KIAA1671: variants seen among roughly 807,000 people sequenced by gnomAD.
KIAA1671 encodes KIAA1671.
In KIAA1671, 52 loss-of-function variants were observed where a neutral mutation model predicts 131.2. The observed-to-expected ratio is 0.40, with a 90% CI of 0.32 to 0.50. KIAA1671 has a LOEUF of 0.50. Among genes scored for constraint, KIAA1671 ranks in the 20% least tolerant of loss-of-function variants. The pLI, the probability that KIAA1671 is intolerant of heterozygous loss-of-function variation, is 0.73. For synonymous variants in KIAA1671, 1,003 were observed against 961.6 expected, an observed-to-expected ratio of 1.04 and a Z score of -0.80; for missense variants, 2,360 against 2,364.2, an observed-to-expected ratio of 1.00 and a Z score of 0.04.
chr22:25,181,817 G>C lies in KIAA1671; in HGVS notation c.5193G>C (p.Val1731=). The change falls in exon 10 of 13, where the codon GTG becomes GTC. Residue 1731 remains valine, a synonymous_variant. Transcript: ENST00000358431. ...MPAFPGMDPA[V]LKAQLHKRPE... ...CGTTTCCAGGCATGGATCCGGCAGT[G>C]CTAAAGGTACCAGACCTCTCACCAA... 6.4e-7 allele frequency: 1 copy of C among 1,551,500 alleles called. No homozygotes were observed. The highest frequency in any genetic ancestry group is 2.0e-5 in the Admixed American group (1 of 50,994).
intron 6 of KIAA1671, among the ~76,000 whole-genome samples, chr22:25,068,198 TTCCGACTGTGCCATCAGGGAGCAGGGC>T (rs1928591783): frequency 6.6e-6 from 1 of 150,930 alleles, no homozygotes; most frequent in Non-Finnish European, 1.5e-5. Context: ...AGGGCCAGCC[TTCCGACTGTGCCATCAGGGAGCAGGGC>T]CGGCCTTCTG....
chr22:25,163,589 A>G (rs1005306646), intron 6 of KIAA1671, among the ~76,000 whole-genome samples: 11 of 151,096 alleles, frequency 7.3e-5, no homozygotes, highest in African/African-American at 2.7e-4. Flanking sequence ...CTACAGGTGC[A>G]CGCCACCACG....
rs1281085260 is a variant in KIAA1671, at chr22:24,960,136, A to G, written c.-208+7364A>G. On this transcript the variant is annotated intron_variant, in intron 1 of 12. Coordinates refer to ENST00000358431, the MANE Select transcript of KIAA1671 (RefSeq NM_001145206.2). Reference sequence around the variant, plus strand: ...ACAGAGTGAGACTCCGTCTCAAATAAATAAATAAATAAATAAATAAATAAA... The same window carrying G: ...ACAGAGTGAGACTCCGTCTCAAATAGATAAATAAATAAATAAATAAATAAA... Among the ~76,000 whole-genome samples, 3 of 140,042 alleles carry G rather than the reference A, an allele frequency of 2.1e-5. No homozygotes were observed. The East Asian group carries it at 5.9e-4, about 27-fold the overall frequency. The allele number at this position is 140,042 out of a possible 152,430, so 91.9% of individuals were successfully genotyped here. A position where few individuals can be genotyped will look rare whatever the true frequency, so the allele number is the denominator to read the frequency against.
intron 1 of KIAA1671, among the ~76,000 whole-genome samples, chr22:25,020,209 C>T (rs1925587715): frequency 6.6e-6 from 1 of 152,154 alleles, no homozygotes; most frequent in African/African-American, 2.4e-5. Flanking sequence ...TGTTTCTGGA[C>T]CATATTTTTT....
At chr22:25,018,700 C>T (rs2123887369) in intron 1 of KIAA1671, among the ~76,000 whole-genome samples, 1 of 152,278 alleles carries the variant, frequency 6.6e-6, no homozygotes, top group African/African-American at 2.4e-5. Flanking sequence ...AGCAAAATGT[C>T]TTCAAGGGTC....
chr22:25,104,791 AAAT>A (rs1184371877), intron 6 of KIAA1671, among the ~76,000 whole-genome samples: 2 of 152,114 alleles, frequency 1.3e-5, no homozygotes, highest in East Asian at 3.9e-4. Context: ...GGGATTCTTA[AAAT>A]TATACATTTT....
intron 1 of KIAA1671, among the ~76,000 whole-genome samples, chr22:24,957,965 C>CTT (rs140702390): frequency 0.17 from 19,438 of 114,174 alleles, 1,929 homozygotes; most frequent in African/African-American, 0.27. Context: ...GGCACCCGGC[C>CTT]TTTTTTTTTT....
intron 9 of KIAA1671, chr22:25,179,648 A>G: frequency 1.4e-6 from 1 of 705,406 alleles, no homozygotes; most frequent in South Asian, 1.9e-5. Flanking sequence ...GTTATGCAGA[A>G]CTTATCAGAA....
chr22:25,082,161 A>T (rs62233184), intron 6 of KIAA1671, among the ~76,000 whole-genome samples: 4,689 of 152,242 alleles, frequency 0.031, 109 homozygotes, highest in Non-Finnish European at 0.049. Flanking sequence ...TTTGAGACAG[A>T]GTTGATGAGT....
chr22:25,078,863 T>A (rs867878623), intron 6 of KIAA1671, among the ~76,000 whole-genome samples: 6 of 152,176 alleles, frequency 3.9e-5, no homozygotes, highest in African/African-American at 1.4e-4. Context: ...GGCGCCTTTT[T>A]AGACCCAGTC....
intron 6 of KIAA1671, among the ~76,000 whole-genome samples, chr22:25,164,919 G>C (rs1420710035): frequency 4.1e-5 from 6 of 148,060 alleles, no homozygotes; most frequent in Non-Finnish European, 5.9e-5. Context: ...TTACACTCCA[G>C]CCTGGGCAAC....
chr22:25,184,926 C>CCTTCCCCA (rs1934419475), intron 10 of KIAA1671, 51 bp from the exon 11 acceptor site: 1 of 1,548,326 alleles, frequency 6.5e-7, no homozygotes, highest in Admixed American at 2.0e-5. Flanking sequence ...GGGAGGGGGC[C>CCTTCCCCA]CTTCCCCAGA....
intron 6 of KIAA1671, among the ~76,000 whole-genome samples, chr22:25,121,586 TTTGA>T (rs1345208086): frequency 5.3e-5 from 8 of 152,158 alleles, no homozygotes; most frequent in African/African-American, 1.9e-4. Flanking sequence ...GGGAAAAAGC[TTTGA>T]TTGGTAGCAT....
chr22:25,181,038 A>G (rs1355785679), intron 9 of KIAA1671, among the ~76,000 whole-genome samples: 1 of 152,144 alleles, frequency 6.6e-6, no homozygotes, highest in Admixed American at 6.5e-5. Context: ...GGGTAGCCCA[A>G]GGGCTCCAGA....
intron 11 of KIAA1671, among the ~76,000 whole-genome samples, chr22:25,188,787 C>T (rs1934563266): frequency 6.6e-6 from 1 of 152,014 alleles, no homozygotes; most frequent in South Asian, 2.1e-4. Context: ...ATCCTTCATC[C>T]TTATTGTTTT....
chr22:25,002,048 G>C (rs1315815914), intron 1 of KIAA1671, among the ~76,000 whole-genome samples: 1 of 152,040 alleles, frequency 6.6e-6, no homozygotes, highest in Non-Finnish European at 1.5e-5. Context: ...TGGTAATTCT[G>C]ACTGGCAAGT....
At chr22:25,101,005 G>T (rs2145895864) in intron 6 of KIAA1671, among the ~76,000 whole-genome samples, 2 of 152,308 alleles carry the variant, frequency 1.3e-5, no homozygotes, top group Admixed American at 1.3e-4. Context: ...ATTGCTTAGG[G>T]GAGGTCATGT....
chr22:25,150,538 C>T (rs768737888), intron 6 of KIAA1671, among the ~76,000 whole-genome samples: 3 of 152,162 alleles, frequency 2.0e-5, no homozygotes, highest in Non-Finnish European at 4.4e-5. Flanking sequence ...CTGCCTCCCC[C>T]GACACCCCAA....
chr22:25,045,155 C>A (rs887264259), intron 5 of KIAA1671, among the ~76,000 whole-genome samples: 1 of 149,324 alleles, frequency 6.7e-6, no homozygotes, highest in Non-Finnish European at 1.5e-5. Context: ...AGAGAGACTC[C>A]GTCTCAAAGA....
Sources: allele counts gnomAD v4.1 joint callset (sites outside exome capture counted in the v4.1 genomes callset), GRCh38; gene constraint gnomAD v4.1.1; transcripts MANE v1.5; gene names NCBI Gene and HGNC (gene_info 2026-07-23, HGNC 2026-07-21).